Variants in CSMD1 observed in about 807,000 individuals in gnomAD.
CSMD1 encodes the protein CUB and sushi domain-containing protein 1.
A neutral mutation model predicts 417.5 loss-of-function variants in CSMD1; 213 were observed. That is an observed-to-expected ratio of 0.51 (90% CI 0.46 to 0.57). CSMD1 has a LOEUF of 0.57. Ranked by LOEUF, CSMD1 falls within the 20% of genes least tolerant of loss-of-function variation. CSMD1 has a pLI of 0.00. For missense variants in CSMD1, 6,923 were observed against 4,529.7 expected (o/e 1.53, Z -15.17); for synonymous variants, 2,862 against 1,736.8 (o/e 1.65, Z -16.11).
At chr8:3,427,927 C>G (rs566500085) in intron 12 of CSMD1, among the ~76,000 whole-genome samples, 1 of 152,112 alleles carries the variant, frequency 6.6e-6, no homozygotes, top group Non-Finnish European at 1.5e-5. Context: ...GGCTGACAAG[C>G]GCCCTTGCAG....
At chr8:3,099,614 T>G (rs538225910) in intron 46 of CSMD1, among the ~76,000 whole-genome samples, 1 of 152,204 alleles carries the variant, frequency 6.6e-6, no homozygotes, top group South Asian at 2.1e-4. Flanking sequence ...TCAGTTGACA[T>G]TGGAACTTCA....
chr8:4,040,335 G>A (rs967305048), intron 3 of CSMD1, among the ~76,000 whole-genome samples: 1 of 152,148 alleles, frequency 6.6e-6, no homozygotes, highest in African/African-American at 2.4e-5. Flanking sequence ...GTATGTATCA[G>A]TAAGTACTAT....
chr8:4,172,231 G>C (rs961306595), intron 3 of CSMD1, among the ~76,000 whole-genome samples: 5 of 151,870 alleles, frequency 3.3e-5, no homozygotes, highest in African/African-American at 9.7e-5. Context: ...AAGAGAATAG[G>C]GTCAAGTCTG....
intron 23 of CSMD1, among the ~76,000 whole-genome samples, chr8:3,311,475 C>G (rs934548438): frequency 6.6e-6 from 1 of 152,112 alleles, no homozygotes; most frequent in African/African-American, 2.4e-5. Context: ...GTCTCAAACT[C>G]CTGACCTCAA....
At chr8:4,119,526 G>C (rs549803143) in intron 3 of CSMD1, among the ~76,000 whole-genome samples, 142 of 152,260 alleles carry the variant, frequency 9.3e-4, no homozygotes, top group African/African-American at 3.3e-3. Context: ...TGGGGTGCTT[G>C]GGAAATAACC....
At chr8:4,437,071 C>G (rs1290599344) in intron 2 of CSMD1, among the ~76,000 whole-genome samples, 1 of 152,064 alleles carries the variant, frequency 6.6e-6, no homozygotes, top group African/African-American at 2.4e-5. Flanking sequence ...ATGGGACAGG[C>G]TATGGAAGAA....
chr8:3,187,833 T>C (rs1174609343), intron 36 of CSMD1, 36 bp downstream of exon 36: 1 of 1,507,906 alleles, frequency 6.6e-7, no homozygotes, highest in Non-Finnish European at 9.2e-7. Flanking sequence ...TTGCAGATTT[T>C]GAGTCACACA....
intron 2 of CSMD1, among the ~76,000 whole-genome samples, chr8:4,603,362 C>G (rs1288841336): frequency 6.6e-6 from 1 of 151,848 alleles, no homozygotes; most frequent in Non-Finnish European, 1.5e-5. Flanking sequence ...AAACTCATAT[C>G]AAAACATTAT....
At chr8:4,022,065 A>C (rs1474375025) in intron 4 of CSMD1, among the ~76,000 whole-genome samples, 2 of 150,868 alleles carry the variant, frequency 1.3e-5, no homozygotes, top group Non-Finnish European at 2.9e-5. Flanking sequence ...ATACAGATGA[A>C]TACATATGGG....
At chr8:4,703,719 A>T (rs1241057088) in intron 1 of CSMD1, among the ~76,000 whole-genome samples, 1 of 152,066 alleles carries the variant, frequency 6.6e-6, no homozygotes, top group Non-Finnish European at 1.5e-5. Flanking sequence ...GATTTTCTTT[A>T]AAAAAAATCT....
chr8:3,899,472 G>A (rs1287919655), intron 5 of CSMD1, among the ~76,000 whole-genome samples: 12 of 152,186 alleles, frequency 7.9e-5, no homozygotes, highest in African/African-American at 2.9e-4. Flanking sequence ...TCCAACCGCA[G>A]AGGTGGGTAG....
At chr8:4,075,362 A>AT (rs772648060) in intron 3 of CSMD1, among the ~76,000 whole-genome samples, 27 of 151,588 alleles carry the variant, frequency 1.8e-4, no homozygotes, top group East Asian at 9.7e-4. Flanking sequence ...GAAGTGCTGA[A>AT]TTTTTTTTTG....
At chr8:4,788,440 A>T in intron 1 of CSMD1, 1 of 1,327,438 alleles carries the variant, frequency 7.5e-7, no homozygotes, top group Admixed American at 1.7e-5. Flanking sequence ...GTTCAACCAC[A>T]CTTTCTCCAG....
In CSMD1 at chr8:3,148,933, A is replaced by G. The variant is rs925212453; in HGVS notation, c.6031+2464T>C. 2.8e-4 allele frequency among the ~76,000 whole-genome samples: 42 copies of G among 152,234 alleles called. 1 individual carries two copies. The highest frequency in any genetic ancestry group is 5.1e-4 in the Non-Finnish European group (35 of 68,044). ...TGAAGCTTACCTACATCTATTCTAA[A>G]AAGCTAGGGATAATACTTTTCATGC... On this transcript the variant is annotated intron_variant, in intron 40 of 69. Coordinates refer to ENST00000635120, the MANE Select transcript of CSMD1 (RefSeq NM_033225.6).
intron 12 of CSMD1, among the ~76,000 whole-genome samples, chr8:3,456,886 A>G (rs963354989): frequency 6.6e-6 from 1 of 152,046 alleles, no homozygotes; most frequent in Non-Finnish European, 1.5e-5. Context: ...CTAGCACTGC[A>G]CTATCCTGCC....
intron 1 of CSMD1, among the ~76,000 whole-genome samples, chr8:4,797,144 G>C (rs562858399): frequency 1.5e-3 from 231 of 152,296 alleles, no homozygotes; most frequent in African/African-American, 5.5e-3. Flanking sequence ...GAAGAAATGA[G>C]ACAAACCCAG....
At chr8:4,669,528 C>T (rs970376435) in intron 1 of CSMD1, among the ~76,000 whole-genome samples, 6 of 152,170 alleles carry the variant, frequency 3.9e-5, no homozygotes, top group Non-Finnish European at 7.4e-5. Flanking sequence ...TCCAAATTGA[C>T]ACATATCAAT....
At chr8:4,268,936 A>G (rs561772064) in intron 3 of CSMD1, among the ~76,000 whole-genome samples, 19 of 152,318 alleles carry the variant, frequency 1.2e-4, no homozygotes, top group Admixed American at 3.3e-4. Context: ...GAGAATTACA[A>G]TTACTTTCTC....
At chr8:3,057,401 A>G (rs1382080600) in intron 49 of CSMD1, among the ~76,000 whole-genome samples, 1 of 152,180 alleles carries the variant, frequency 6.6e-6, no homozygotes, top group African/African-American at 2.4e-5. Flanking sequence ...AAAACACCTT[A>G]GGAAACACTA....
Sources: allele counts gnomAD v4.1 joint callset (sites outside exome capture counted in the v4.1 genomes callset), GRCh38; gene constraint gnomAD v4.1.1; transcripts MANE v1.5; gene names NCBI Gene and HGNC (gene_info 2026-07-23, HGNC 2026-07-21).